The following AFG1L variants were observed in gnomAD, a reference collection of about 807,000 sequenced individuals.
AFG1L encodes AFG1 like ATPase.
In AFG1L, 53 loss-of-function variants were observed where a neutral mutation model predicts 62.2. That is an observed-to-expected ratio of 0.85 (90% CI 0.68 to 1.07). AFG1L has a LOEUF of 1.07. Among genes scored for constraint, AFG1L ranks in the 50% least tolerant of loss-of-function variants. The pLI is 0.00. For missense variants in AFG1L, 555 were observed against 590.5 expected, an observed-to-expected ratio of 0.94 and a Z score of 0.62; for synonymous variants, 228 against 210.3, an observed-to-expected ratio of 1.08 and a Z score of -0.73.
chr6:108,515,143 C>T (rs576271478), intron 11 of AFG1L, among the ~76,000 whole-genome samples: 7 of 152,236 alleles, frequency 4.6e-5, no homozygotes, highest in Admixed American at 2.0e-4. Flanking sequence ...CTGCACCAAG[C>T]GGACCTAATA....
chr6:108,370,769 C>G (rs907036230), intron 6 of AFG1L, among the ~76,000 whole-genome samples: 1 of 152,138 alleles, frequency 6.6e-6, no homozygotes, highest in African/African-American at 2.4e-5. Flanking sequence ...AGACAGAAAA[C>G]TAGAGGTTAG....
chr6:108,391,289 TC>T (rs906248745), intron 6 of AFG1L, among the ~76,000 whole-genome samples: 7 of 152,146 alleles, frequency 4.6e-5, no homozygotes, highest in Non-Finnish European at 1.0e-4. Context: ...CACACCAACA[TC>T]TATTATTTTT....
intron 1 of AFG1L, among the ~76,000 whole-genome samples, chr6:108,316,637 C>T (rs189453218): frequency 1.3e-5 from 2 of 150,750 alleles, no homozygotes; most frequent in Admixed American, 6.6e-5. Context: ...AGGTTCACGC[C>T]CTTCTCCTGC....
Position 108,295,193 on chromosome 6 carries a change from C to T in AFG1L, c.114C>T (p.Thr38=), listed in dbSNP as rs774681514. 13 of 1,605,848 alleles carry T rather than the reference C, an allele frequency of 8.1e-6. No individual in the cohort carries two copies. The highest frequency in any genetic ancestry group is 3.3e-5 in the Admixed American group (2 of 59,938). Residue 38 remains threonine, a synonymous_variant, in exon 1 of 13, where the codon ACC becomes ACT. Transcript: ENST00000368977. The stretch of plus-strand genomic sequence containing the variant: ...CCGCCGCTCTCGCTCCTCTGGCCAC[C>T]GCCCCTGGGAAGCCCTTTTGGAAAG... ...AWAAALAPLA[T]APGKPFWKAY... is the part of the protein sequence containing the mutation.
intron 6 of AFG1L, among the ~76,000 whole-genome samples, chr6:108,385,038 C>T (rs555429211): frequency 2.2e-4 from 34 of 152,236 alleles, no homozygotes; most frequent in African/African-American, 7.2e-4. Context: ...TGAAAAATTT[C>T]CAAATCTGAA....
intron 6 of AFG1L, among the ~76,000 whole-genome samples, chr6:108,390,967 C>G (rs1289286582): frequency 1.3e-5 from 2 of 152,200 alleles, no homozygotes; most frequent in Admixed American, 6.5e-5. Context: ...TGTTCCTATT[C>G]GGCCATCTTG....
At chr6:108,509,714 G>C (rs1322815980) in intron 10 of AFG1L, among the ~76,000 whole-genome samples, 1 of 152,120 alleles carries the variant, frequency 6.6e-6, no homozygotes, top group Non-Finnish European at 1.5e-5. Context: ...TATGTTATCT[G>C]TGTCCTTAGC....
chr6:108,362,626 T>C (rs1477030788), intron 5 of AFG1L, among the ~76,000 whole-genome samples: 1 of 152,212 alleles, frequency 6.6e-6, no homozygotes, highest in Non-Finnish European at 1.5e-5. Context: ...GTAAGTATTA[T>C]TACTGCTTTC....
intron 5 of AFG1L, among the ~76,000 whole-genome samples, chr6:108,364,864 C>CAAAAA (rs1562110488): frequency 5.9e-5 from 5 of 84,290 alleles, no homozygotes; most frequent in African/African-American, 7.5e-5. Context: ...CCTGAGACAG[C>CAAAAA]CAAAAAAAAA....
At chr6:108,445,254 A>T (rs1031108797) in intron 7 of AFG1L, among the ~76,000 whole-genome samples, 10 of 152,116 alleles carry the variant, frequency 6.6e-5, no homozygotes, top group African/African-American at 2.4e-4. Context: ...CTTTCTCTGG[A>T]TTAGGCTTTG....
chr6:108,488,148 T>C (rs376225783), intron 10 of AFG1L, among the ~76,000 whole-genome samples: 3 of 152,188 alleles, frequency 2.0e-5, no homozygotes, highest in African/African-American at 7.2e-5. Context: ...ACAGACACAG[T>C]CCTACCCTTT....
intron 10 of AFG1L, among the ~76,000 whole-genome samples, chr6:108,505,587 A>G (rs956946277): frequency 6.6e-6 from 1 of 151,786 alleles, no homozygotes; most frequent in Non-Finnish European, 1.5e-5. Context: ...AACTTTTTTT[A>G]AAAAAAAGTG....
At chr6:108,323,417 A>G (rs1031889287) in intron 1 of AFG1L, among the ~76,000 whole-genome samples, 3 of 152,066 alleles carry the variant, frequency 2.0e-5, no homozygotes, top group African/African-American at 7.3e-5. Flanking sequence ...AGGCTGGAGT[A>G]CAGTGGCACA....
chr6:108,481,848 G>C (rs1366350401), intron 10 of AFG1L, among the ~76,000 whole-genome samples: 7 of 152,126 alleles, frequency 4.6e-5, no homozygotes, highest in Non-Finnish European at 8.8e-5. Flanking sequence ...ATTTTTACTT[G>C]GAAGACTGCT....
At position 108,399,178 on chromosome 6, in the gene AFG1L, G is replaced by GTTTT. The variant is rs57304886; in HGVS notation, c.749-2793_749-2790dup. On this transcript the variant is annotated intron_variant, in intron 6 of 12. Transcript: ENST00000368977. ...CAAAGATCTGTCACTTCTTTTGTTTGTTTTTTTTTTTTTTTTTTTTTTTTT... is the reference window on the plus strand; with the variant it reads ...CAAAGATCTGTCACTTCTTTTGTTTGTTTTTTTTTTTTTTTTTTTTTTTTTTTTT... 6.7e-4 allele frequency among the ~76,000 whole-genome samples: 42 copies of GTTTT among 62,230 alleles called. 2 individuals are homozygous for GTTTT. Among genetic ancestry groups the GTTTT allele is most frequent in the African/African-American group, 2.7e-3 (40 of 14,922 alleles). The allele number at this position is 62,230 out of a possible 152,430, so 40.8% of individuals were successfully genotyped here. A position where few individuals can be genotyped will look rare whatever the true frequency, so the allele number is the denominator to read the frequency against.
At chr6:108,405,445 C>T (rs2114642173) in intron 7 of AFG1L, among the ~76,000 whole-genome samples, 1 of 152,294 alleles carries the variant, frequency 6.6e-6, no homozygotes, top group East Asian at 1.9e-4. Flanking sequence ...TCCCCAGGCT[C>T]AGGTGATCCT....
intron 1 of AFG1L, among the ~76,000 whole-genome samples, chr6:108,311,899 C>T (rs1238600686): frequency 6.6e-6 from 1 of 151,830 alleles, no homozygotes; most frequent in African/African-American, 2.4e-5. Context: ...GCGTCTTGCT[C>T]TGTTGCCCAG....
chr6:108,298,054 T>C (rs1776838240), intron 1 of AFG1L, among the ~76,000 whole-genome samples: 1 of 152,032 alleles, frequency 6.6e-6, no homozygotes, highest in Non-Finnish European at 1.5e-5. Context: ...TTGTCTTTAT[T>C]TTATAGATGA....
rs117691797 is a variant in AFG1L at position 108,364,366 on chromosome 6, C to T, written c.649-1867C>T. Among the ~76,000 whole-genome samples, 333 of 152,332 alleles carry T rather than the reference C, an allele frequency of 2.2e-3. 1 individual carries two copies. The highest frequency in any genetic ancestry group is 3.4e-3 in the Middle Eastern group (1 of 294). Reference sequence around the variant, plus strand: ...GCAAAAACATTCTGAAATATAAAAACAGCAAATTATAACTCAACTACAAGC... The same window carrying T: ...GCAAAAACATTCTGAAATATAAAAATAGCAAATTATAACTCAACTACAAGC... On this transcript the variant is annotated intron_variant, in intron 5 of 12. Transcript: ENST00000368977.
Sources: gnomAD v4.1 joint callset for allele counts (sites outside exome capture counted in the v4.1 genomes callset) on GRCh38, gnomAD v4.1.1 for gene constraint, MANE v1.5 for transcripts, NCBI Gene and HGNC (gene_info 2026-07-23, HGNC 2026-07-21) for gene names.